SAMD12: variants seen among roughly 807,000 people sequenced by gnomAD.
SAMD12 encodes sterile alpha motif domain-containing protein 12.
A neutral mutation model predicts 15.0 loss-of-function variants in SAMD12; 9 were observed. The observed-to-expected ratio is 0.60, with a 90% confidence interval of 0.36 to 1.05. The LOEUF is 1.05. SAMD12 is among the 50% of genes least tolerant of loss of function. The pLI is 0.01. For synonymous variants in SAMD12, 86 were observed against 90.1 expected (o/e 0.96, Z 0.25); for missense variants, 230 against 234.2 (o/e 0.98, Z 0.12).
chr8:118,297,963 CA>C (rs1400065355), intron 4 of SAMD12, among the ~76,000 whole-genome samples: 1 of 152,094 alleles, frequency 6.6e-6, no homozygotes, highest in African/African-American at 2.4e-5. Context: ...AGCCTAAATG[CA>C]GTGGAAAGCA....
downstream of SAMD12, among the ~76,000 whole-genome samples, chr8:118,188,464 G>A (rs1819281319): frequency 6.6e-6 from 1 of 152,140 alleles, no homozygotes; most frequent in Non-Finnish European, 1.5e-5. Flanking sequence ...AACCTAAAAG[G>A]TTATCACAGG....
chr8:118,287,573 T>A (rs939593292), intron 4 of SAMD12, among the ~76,000 whole-genome samples: 1 of 152,162 alleles, frequency 6.6e-6, no homozygotes, highest in East Asian at 1.9e-4. Flanking sequence ...GTATTCATCA[T>A]CTCTGCCTCC....
chr8:118,600,629 C>A (rs1827836965), intron 1 of SAMD12, among the ~76,000 whole-genome samples: 2 of 152,166 alleles, frequency 1.3e-5, no homozygotes, highest in African/African-American at 4.8e-5. Context: ...TCTCTCTCAG[C>A]CTTGAGACCA....
chr8:118,307,303 T>C (rs1240400586), intron 4 of SAMD12, among the ~76,000 whole-genome samples: 1 of 152,202 alleles, frequency 6.6e-6, no homozygotes, highest in Non-Finnish European at 1.5e-5. Context: ...TGAAAATCAT[T>C]TGGGGAAATT....
intron 4 of SAMD12, among the ~76,000 whole-genome samples, chr8:118,233,617 C>T (rs1812360865): frequency 6.6e-6 from 1 of 152,186 alleles, no homozygotes; most frequent in Non-Finnish European, 1.5e-5. Context: ...GGGATAGTGT[C>T]TGGCTTTTAG....
chr8:118,334,658 C>T (rs866975346), intron 4 of SAMD12, among the ~76,000 whole-genome samples: 6 of 152,060 alleles, frequency 3.9e-5, no homozygotes, highest in Admixed American at 6.6e-5. Context: ...TGCAGTGGAG[C>T]GATCATGGCT....
intron 2 of SAMD12, among the ~76,000 whole-genome samples, chr8:118,478,848 A>G (rs768843477): frequency 1.3e-5 from 2 of 152,202 alleles, no homozygotes; most frequent in Non-Finnish European, 2.9e-5. Context: ...CTCATTAGAG[A>G]AGAGCTGACA....
At chr8:118,243,902 C>T (rs1316602125) in intron 4 of SAMD12, among the ~76,000 whole-genome samples, 1 of 152,068 alleles carries the variant, frequency 6.6e-6, no homozygotes, top group Non-Finnish European at 1.5e-5. Context: ...CACATTGGGA[C>T]AATGATTTTC....
chr8:118,191,801 TATATATATATAGAGAGAG>T (rs1563686597), exon 5 of SAMD12: 8 of 36,490 alleles, frequency 2.2e-4, no homozygotes, highest in African/African-American at 5.4e-4. Context: ...TATATATATA[TATATATATATAGAGAGAG>T]AGAGAGAGAG....
chr8:118,462,795 G>C (rs1392318642), intron 2 of SAMD12, among the ~76,000 whole-genome samples: 2 of 152,128 alleles, frequency 1.3e-5, no homozygotes, highest in Non-Finnish European at 2.9e-5. Flanking sequence ...AAAAGGTTAG[G>C]TTCTATAAGA....
rs984671225 is a variant in SAMD12 at position 118,532,386 on chromosome 8, G to A, written c.192+48329C>T. Among the ~76,000 whole-genome samples the A allele has an allele frequency of 2.4e-5, 3 of 127,104 alleles. No individual in the cohort carries two copies. The East Asian group carries it at 6.3e-4, about 26-fold the overall frequency. The allele number at this position is 127,104 out of a possible 152,430, so 83.4% of individuals were successfully genotyped here. On this transcript the variant is annotated intron_variant, in intron 2 of 3. Coordinates refer to ENST00000314727, the MANE Select transcript of SAMD12 (RefSeq NM_207506.3). ...GTATCAATGTTCATCAGGAATATTGGTCTAAAATTCTCTTTTTTTTGTTGT... is the reference window on the plus strand; with the variant it reads ...GTATCAATGTTCATCAGGAATATTGATCTAAAATTCTCTTTTTTTTGTTGT...
At chr8:118,191,537 C>T (rs1586326166) in exon 5 of SAMD12, 1 of 151,350 alleles carries the variant, frequency 6.6e-6, no homozygotes, top group Non-Finnish European at 1.5e-5. Context: ...TTTCCATCTG[C>T]AACCGAAGGC....
chr8:118,583,037 T>C (rs1223818093), intron 1 of SAMD12, among the ~76,000 whole-genome samples: 2 of 152,152 alleles, frequency 1.3e-5, no homozygotes, highest in Non-Finnish European at 2.9e-5. Flanking sequence ...GACTATGGCT[T>C]TTTCTCCCAA....
intron 2 of SAMD12, among the ~76,000 whole-genome samples, chr8:118,546,434 C>T (rs574686130): frequency 1.1e-4 from 16 of 151,980 alleles, no homozygotes; most frequent in South Asian, 4.2e-4. Context: ...CTTCCAAGGT[C>T]GAGAAGGGGC....
chr8:118,323,128 A>G (rs2130462686), intron 4 of SAMD12, among the ~76,000 whole-genome samples: 1 of 152,296 alleles, frequency 6.6e-6, no homozygotes, highest in Admixed American at 6.5e-5. Context: ...CTGCTGTCAG[A>G]CTGGAGTCCT....
chr8:118,442,051 T>A (rs1586720459), intron 2 of SAMD12, among the ~76,000 whole-genome samples: 1 of 152,146 alleles, frequency 6.6e-6, no homozygotes. Flanking sequence ...GATACCACAA[T>A]AGAGAGTCAA....
At chr8:118,477,736 C>A (rs112536912) in intron 2 of SAMD12, among the ~76,000 whole-genome samples, 3,365 of 152,048 alleles carry the variant, frequency 0.022, 118 homozygotes, top group African/African-American at 0.077. Context: ...GGGAACTGGC[C>A]GGGCGCGGTG....
intron 4 of SAMD12, among the ~76,000 whole-genome samples, chr8:118,322,460 C>T (rs1035224886): frequency 3.9e-5 from 6 of 152,214 alleles, no homozygotes; most frequent in African/African-American, 1.2e-4. Flanking sequence ...CAGCTTTTAA[C>T]GTAGGTATGG....
intron 2 of SAMD12, among the ~76,000 whole-genome samples, chr8:118,545,639 C>T (rs1826104320): frequency 6.6e-6 from 1 of 152,126 alleles, no homozygotes; most frequent in Admixed American, 6.5e-5. Context: ...TTCAATGAAT[C>T]TTGATGAACC....
Sources: gnomAD v4.1 joint callset for allele counts (sites outside exome capture counted in the v4.1 genomes callset) on GRCh38, gnomAD v4.1.1 for gene constraint, MANE v1.5 for transcripts, NCBI Gene and HGNC (gene_info 2026-07-23, HGNC 2026-07-21) for gene names.